Variants in CD247 observed in about 807,000 individuals in gnomAD.
CD247 encodes the protein CD247 molecule.
A neutral mutation model predicts 30.0 loss-of-function variants in CD247; 13 were observed. The observed-to-expected ratio is 0.43, with a 90% CI of 0.28 to 0.69. The LOEUF is 0.69. Among genes scored for constraint, CD247 ranks in the 30% least tolerant of loss-of-function variants. CD247 has a pLI of 0.16. For missense variants in CD247, 193 were observed against 212.6 expected (o/e 0.91, Z 0.57); for synonymous variants, 72 against 80.0 (o/e 0.90, Z 0.53).
chr1:167,458,277 C>G (rs1011950999), intron 1 of CD247, among the ~76,000 whole-genome samples: 25 of 152,262 alleles, frequency 1.6e-4, no homozygotes, highest in African/African-American at 5.8e-4. Flanking sequence ...CCTGCTGTCC[C>G]CACGTGCCTA....
At chr1:167,474,042 C>A (rs1277214120) in intron 1 of CD247, among the ~76,000 whole-genome samples, 2 of 152,140 alleles carry the variant, frequency 1.3e-5, no homozygotes, top group African/African-American at 2.4e-5. Flanking sequence ...CCCTTCACCA[C>A]CCCCGGAAGA....
chr1:167,461,832 G>A (rs1379445158), intron 1 of CD247, among the ~76,000 whole-genome samples: 2 of 74,182 alleles, frequency 2.7e-5, no homozygotes, highest in African/African-American at 6.5e-5. Context: ...TGGGCGACAG[G>A]CTCAAAAAAA....
At position 167,431,331 on chromosome 1, in the gene CD247, T is replaced by A; in HGVS notation, c.*350A>T. On this transcript the variant is annotated 3_prime_UTR_variant, in exon 8 of 8. Coordinates refer to ENST00000362089, the MANE Select transcript of CD247 (RefSeq NM_198053.3). Reference sequence around the variant, plus strand: ...TTAGGGCATGTGCTAGCATCTGCGCTTTCTCTGGGGACTTTACAAAACAGA... The same window carrying A: ...TTAGGGCATGTGCTAGCATCTGCGCATTCTCTGGGGACTTTACAAAACAGA... The A allele has an allele frequency of 1.7e-6, 1 of 589,072 alleles. No individual in the cohort carries two copies. The highest frequency in any genetic ancestry group is 3.0e-6 in the Non-Finnish European group (1 of 331,582). 36.5% of individuals were successfully genotyped at this position (589,072 alleles called of 1,614,324 possible).
chr1:167,496,941 A>G (rs1455547100), intron 1 of CD247, among the ~76,000 whole-genome samples: 2 of 152,190 alleles, frequency 1.3e-5, no homozygotes, highest in African/African-American at 2.4e-5. Flanking sequence ...GAGAGCGGGG[A>G]CACTGACAGT....
At chr1:167,463,863 A>G (rs1052704510) in intron 1 of CD247, among the ~76,000 whole-genome samples, 6 of 152,338 alleles carry the variant, frequency 3.9e-5, no homozygotes, top group East Asian at 1.9e-4. Context: ...TGTCCTACGA[A>G]TTTACAGGGG....
At chr1:167,506,197 T>C (rs1655104829) in intron 1 of CD247, among the ~76,000 whole-genome samples, 1 of 152,172 alleles carries the variant, frequency 6.6e-6, no homozygotes, top group Non-Finnish European at 1.5e-5. Flanking sequence ...CAGAAAATCT[T>C]CCCAGAGAGA....
chr1:167,503,944 C>T (rs1655011753), intron 1 of CD247, among the ~76,000 whole-genome samples: 1 of 152,142 alleles, frequency 6.6e-6, no homozygotes, highest in Non-Finnish European at 1.5e-5. Flanking sequence ...GCAGAAAATC[C>T]TATTCCTACC....
intron 1 of CD247, among the ~76,000 whole-genome samples, chr1:167,514,175 C>A (rs1423340575): frequency 6.6e-6 from 1 of 152,050 alleles, no homozygotes; most frequent in African/African-American, 2.4e-5. Flanking sequence ...CTTGCTCTGT[C>A]GCCCAGGCTG....
intron 1 of CD247, among the ~76,000 whole-genome samples, chr1:167,484,313 T>C (rs925063761): frequency 2.0e-5 from 3 of 152,126 alleles, no homozygotes; most frequent in African/African-American, 4.8e-5. Flanking sequence ...AGGCTGACTG[T>C]GTTGTGGGGG....
chr1:167,456,784 A>G (rs1034436281), intron 1 of CD247, among the ~76,000 whole-genome samples: 2 of 152,218 alleles, frequency 1.3e-5, no homozygotes, highest in Non-Finnish European at 2.9e-5. Flanking sequence ...ACAGAACCCA[A>G]CAGGGACTAC....
At chr1:167,431,784 A>T (rs751810519) in intron 7 of CD247, 38 bp from the exon 8 acceptor site, 1 of 1,594,232 alleles carries the variant, frequency 6.3e-7, no homozygotes, top group Non-Finnish European at 8.6e-7. Context: ...AGAGTGGGTC[A>T]GTAGCCTGTG....
At chr1:167,505,486 G>A (rs1436317035) in intron 1 of CD247, among the ~76,000 whole-genome samples, 3 of 152,210 alleles carry the variant, frequency 2.0e-5, no homozygotes, top group East Asian at 1.9e-4. Flanking sequence ...TGCCTGCTTC[G>A]TTTCTGAAAG....
In CD247 at chr1:167,439,337, G is replaced by A; in HGVS notation, c.219+7C>T. 2 of 1,613,626 alleles carry A rather than the reference G, an allele frequency of 1.2e-6. No homozygotes were observed. Among genetic ancestry groups the A allele is most frequent in the Non-Finnish European group, 1.7e-6 (2 of 1,179,506 alleles). ...TTTCCGGAGGGTCTACGGCGAGGCT[G>A]ACTTACGTTATAGAGCTGGTTCTGG... On this transcript the variant is annotated splice_region_variant and intron_variant, in intron 3 of 7. Transcript: ENST00000362089.
intron 1 of CD247, among the ~76,000 whole-genome samples, chr1:167,501,053 CTT>C (rs569489236): frequency 5.6e-4 from 70 of 124,320 alleles, no homozygotes; most frequent in Middle Eastern, 4.1e-3. Flanking sequence ...TCCTATTGTT[CTT>C]TTTTTTTTTT....
chr1:167,446,521 G>T (rs1038126549), intron 1 of CD247, among the ~76,000 whole-genome samples: 2 of 152,210 alleles, frequency 1.3e-5, no homozygotes, highest in African/African-American at 4.8e-5. Context: ...ATGAGGTAAA[G>T]TTTGTGGGGT....
chr1:167,471,071 C>T (rs1653502703), intron 1 of CD247, among the ~76,000 whole-genome samples: 1 of 151,962 alleles, frequency 6.6e-6, no homozygotes, highest in Non-Finnish European at 1.5e-5. Flanking sequence ...TGGGTTTTCA[C>T]CGTGCTAGCT....
chr1:167,483,282 A>G (rs950254130), intron 1 of CD247, among the ~76,000 whole-genome samples: 23 of 152,128 alleles, frequency 1.5e-4, no homozygotes, highest in African/African-American at 5.3e-4. Context: ...TGTTAGGATT[A>G]CAGGCGTGAA....
intron 5 of CD247, 62 bp downstream of exon 5, chr1:167,435,337 G>A (rs1286225855): frequency 7.3e-6 from 9 of 1,237,314 alleles, no homozygotes; most frequent in Non-Finnish European, 9.5e-6. Flanking sequence ...CCTTCCTCTG[G>A]AGCCCTCCTC....
rs142240728 is a variant in CD247 at position 167,509,484 on chromosome 1, G to A, written c.58+8924C>T. ...ATTGGATTGTTTGCCAACCTATTCC[G>A]AGGGTGAAAAAAAAAGAAGATTAAA... On this transcript the variant is annotated intron_variant, in intron 1 of 7. Transcript: ENST00000362089. Among the ~76,000 whole-genome samples, 8 of 152,006 alleles carry A rather than the reference G, an allele frequency of 5.3e-5. No individual in the cohort carries two copies. In the East Asian group the frequency reaches 5.8e-4, roughly 11 times the overall value.
Sources: allele counts gnomAD v4.1 joint callset (sites outside exome capture counted in the v4.1 genomes callset), GRCh38; gene constraint gnomAD v4.1.1; transcripts MANE v1.5; gene names NCBI Gene and HGNC (gene_info 2026-07-23, HGNC 2026-07-21).